The following CROT variants were observed in gnomAD, a reference collection of about 807,000 sequenced individuals.
CROT encodes peroxisomal carnitine O-octanoyltransferase.
A neutral mutation model predicts 89.2 loss-of-function variants in CROT; 84 were observed. The ratio of observed to expected loss-of-function variants is 0.94; its 90% CI spans 0.79 to 1.13. The LOEUF is 1.13. Ranked by LOEUF, CROT falls within the 50% of genes most tolerant of loss-of-function variation. The pLI is 0.00. For missense variants in CROT, 711 were observed against 727.8 expected (o/e 0.98, Z 0.27); for synonymous variants, 212 against 239.5 (o/e 0.89, Z 1.06).
At chr7:87,398,440 C>T in intron 17 of CROT, 84 bp from the exon 18 acceptor site, 1 of 1,477,582 alleles carries the variant, frequency 6.8e-7, no homozygotes, top group Non-Finnish European at 9.4e-7. Context: ...TATGAATATC[C>T]AGATGAAATA....
At chr7:87,372,375 T>TTG (rs1278558374) in intron 7 of CROT, among the ~76,000 whole-genome samples, 1 of 152,224 alleles carries the variant, frequency 6.6e-6, no homozygotes, top group Non-Finnish European at 1.5e-5. Context: ...TGGATAATAT[T>TTG]TGTGTGTCTT....
chr7:87,384,419 C>A (rs992489463), intron 13 of CROT, among the ~76,000 whole-genome samples: 1 of 152,148 alleles, frequency 6.6e-6, no homozygotes, highest in Non-Finnish European at 1.5e-5. Flanking sequence ...GTACCTCTAC[C>A]TACTCAGGAG....
rs1419627465 is a variant in CROT, at chr7:87,377,379, A to G, written c.907A>G (p.Thr303Ala). The G allele has an allele frequency of 3.7e-6, 6 of 1,610,730 alleles. No homozygotes were observed. The highest frequency in any genetic ancestry group is 2.2e-5 in the South Asian group (2 of 90,812). ...IIAAILIGDP[T>A]VRWGDKSYNL... is the part of the protein sequence containing the mutation. Reference sequence around the variant, plus strand: ...TGCAGCCATCCTTATTGGAGATCCAACAGTACGCTGGGGTGACAAATCCTA... The same window carrying G: ...TGCAGCCATCCTTATTGGAGATCCAGCAGTACGCTGGGGTGACAAATCCTA... The change falls in exon 10 of 18, where the codon ACA (threonine) becomes GCA (alanine). Residue 303 changes from threonine (T) to alanine (A), a missense_variant. Physicochemically the swap from Thr to Ala is moderately conservative, Grantham distance 58. Transcript: ENST00000331536.
At chr7:87,390,431 C>T (rs1354744536) in intron 13 of CROT, among the ~76,000 whole-genome samples, 1 of 151,980 alleles carries the variant, frequency 6.6e-6, no homozygotes, top group African/African-American at 2.4e-5. Flanking sequence ...AATTTGTTTT[C>T]CTGAAAGAAT....
intron 3 of CROT, among the ~76,000 whole-genome samples, chr7:87,351,373 T>C (rs535369770): frequency 1.0e-4 from 15 of 149,244 alleles, no homozygotes; most frequent in Admixed American, 8.6e-4. Context: ...AAACCATTCA[T>C]TGGAATTGGA....
intron 17 of CROT, among the ~76,000 whole-genome samples, chr7:87,396,567 G>T (rs1438309505): frequency 1.3e-5 from 2 of 152,022 alleles, no homozygotes; most frequent in Admixed American, 6.6e-5. Flanking sequence ...AAAGCAAAAA[G>T]ATAGAAATTA....
intron 3 of CROT, chr7:87,357,533 G>A (rs1318527515): frequency 1.3e-6 from 2 of 1,534,190 alleles, no homozygotes; most frequent in African/African-American, 2.8e-5. Flanking sequence ...CCAGATAAGG[G>A]GTCTTGATCC....
intron 6 of CROT, among the ~76,000 whole-genome samples, chr7:87,366,791 T>G (rs1464426745): frequency 6.6e-6 from 1 of 152,176 alleles, no homozygotes; most frequent in African/African-American, 2.4e-5. Context: ...TTGTCTTTTC[T>G]CTACATATCA....
intron 6 of CROT, among the ~76,000 whole-genome samples, chr7:87,363,383 T>C (rs536042386): frequency 6.6e-6 from 1 of 152,338 alleles, no homozygotes; most frequent in South Asian, 2.1e-4. Context: ...TTATATTAGA[T>C]AGTCAGGGAA....
chr7:87,356,329 GT>G (rs1362382603), intron 3 of CROT, among the ~76,000 whole-genome samples: 1 of 152,002 alleles, frequency 6.6e-6, no homozygotes, highest in Non-Finnish European at 1.5e-5. Context: ...AAGTTTGAGG[GT>G]TTTTTATTTT....
intron 4 of CROT, 128 bp from the exon 5 acceptor site, chr7:87,361,262 C>T: frequency 1.0e-6 from 1 of 989,182 alleles, no homozygotes; most frequent in Non-Finnish European, 1.5e-6. Flanking sequence ...CTCACCCAGC[C>T]AAAAAACATG....
chr7:87,393,481 G>T (rs1807432850), intron 17 of CROT, among the ~76,000 whole-genome samples: 3 of 152,132 alleles, frequency 2.0e-5, no homozygotes, highest in African/African-American at 7.2e-5. Context: ...TTTTAAAACA[G>T]TTTTACCAAT....
chr7:87,360,851 G>A (rs969225428), intron 4 of CROT, among the ~76,000 whole-genome samples: 8 of 152,070 alleles, frequency 5.3e-5, no homozygotes, highest in African/African-American at 9.7e-5. Context: ...CTTGATACTC[G>A]TTTTTGATAG....
intron 3 of CROT, among the ~76,000 whole-genome samples, chr7:87,350,945 A>G (rs1331443796): frequency 6.6e-6 from 1 of 152,166 alleles, no homozygotes; most frequent in African/African-American, 2.4e-5. Context: ...TAATTGAAAA[A>G]GGTGTTTTTT....
In CROT at chr7:87,361,715, C is replaced by CT. The variant is rs35136455; in HGVS notation, c.423-6dup. On this transcript the variant is annotated splice_polypyrimidine_tract_variant and intron_variant, in intron 5 of 17. Coordinates refer to ENST00000331536, the MANE Select transcript of CROT (RefSeq NM_021151.4). ...TTATAATGACTTTTTGATCAAAATC[C>CT]TTTTTTTAATAGAGAAAAAGTGCCT... 3 of 1,561,308 alleles carry CT rather than the reference C, an allele frequency of 1.9e-6. No homozygotes were observed. Among genetic ancestry groups the CT allele is most frequent in the Admixed American group, 2.1e-5 (1 of 48,236 alleles).
At position 87,375,687 on chromosome 7, in the gene CROT, G is replaced by A. The variant is rs1467332770; in HGVS notation, c.712G>A (p.Ala238Thr). The A allele has an allele frequency of 2.0e-5, 32 of 1,613,458 alleles. No individual in the cohort carries two copies. Among genetic ancestry groups the A allele is most frequent in the Non-Finnish European group, 2.6e-5 (31 of 1,179,566 alleles). The change falls in exon 8 of 18, where the codon GCA becomes ACA. Residue 238 changes from alanine (A) to threonine (T), a missense_variant. By Grantham distance (58) the Ala-to-Thr change is moderately conservative. Coordinates refer to ENST00000331536, the MANE Select transcript of CROT (RefSeq NM_021151.4). Reference protein sequence around the residue: ...CHSEPDGPGIAALTSEERTRW... With the variant: ...CHSEPDGPGITALTSEERTRW... Reference sequence around the variant, plus strand: ...TAGTGAACCTGATGGACCTGGGATTGCAGCATTAACTAGTGAGGAGCGAAC... The same window carrying A: ...TAGTGAACCTGATGGACCTGGGATTACAGCATTAACTAGTGAGGAGCGAAC...
In CROT at chr7:87,382,187, T is replaced by C; in HGVS notation, c.1170+6T>C. On this transcript the variant is annotated splice_donor_region_variant and intron_variant, in intron 12 of 17. Coordinates refer to ENST00000331536, the MANE Select transcript of CROT (RefSeq NM_021151.4). ...AAGCCCAGTATCTCAGGGAGGTATA[T>C]TTTTCACTTTTCTCTTAAATAATAA... 2 of 1,583,522 alleles carry C rather than the reference T, an allele frequency of 1.3e-6. No individual in the cohort carries two copies. The highest frequency in any genetic ancestry group is 1.2e-5 in the South Asian group (1 of 86,862).
intron 6 of CROT, among the ~76,000 whole-genome samples, chr7:87,367,878 C>G (rs1806495086): frequency 6.6e-6 from 1 of 152,200 alleles, no homozygotes. Context: ...ACCTGGACAA[C>G]TTTAGTCACC....
chr7:87,358,336 G>A (rs1250115805), intron 3 of CROT, among the ~76,000 whole-genome samples: 1 of 150,362 alleles, frequency 6.7e-6, no homozygotes, highest in Non-Finnish European at 1.5e-5. Context: ...AAAAAAAAGA[G>A]CCAGGAGTGG....
Sources: allele counts gnomAD v4.1 joint callset (sites outside exome capture counted in the v4.1 genomes callset), GRCh38; gene constraint gnomAD v4.1.1; transcripts MANE v1.5; gene names NCBI Gene and HGNC (gene_info 2026-07-23, HGNC 2026-07-21).